The following INSIG2 variants were observed in gnomAD, a reference collection of about 807,000 sequenced individuals.
The protein encoded by INSIG2 is insulin-induced gene 2 protein.
In INSIG2, 10 loss-of-function variants were observed where a neutral mutation model predicts 27.2. The observed-to-expected ratio is 0.37, with a 90% CI of 0.23 to 0.62. The LOEUF is 0.62. Among genes scored for constraint, INSIG2 ranks in the 20% least tolerant of loss-of-function variants. INSIG2 has a pLI of 0.65. For missense variants in INSIG2, 178 were observed against 270.2 expected (o/e 0.66, Z 2.39); for synonymous variants, 97 against 95.8 (o/e 1.01, Z -0.07).
intron 1 of INSIG2, among the ~76,000 whole-genome samples, chr2:118,091,116 CTTTGT>C (rs1387849257): frequency 4.6e-5 from 7 of 152,160 alleles, no homozygotes; most frequent in Non-Finnish European, 8.8e-5. Context: ...TATAGATCCA[CTTTGT>C]TTTAAGAAAA....
intron 5 of INSIG2, 37 bp downstream of exon 5, chr2:118,107,226 A>G (rs1188097080): frequency 7.0e-7 from 1 of 1,419,002 alleles, no homozygotes; most frequent in Non-Finnish European, 9.9e-7. Flanking sequence ...AAGATGTGGA[A>G]CAAATGACAA....
At chr2:118,103,148 G>A in intron 2 of INSIG2, 49 bp from the exon 3 acceptor site, 1 of 1,539,054 alleles carries the variant, frequency 6.5e-7, no homozygotes, top group Non-Finnish European at 8.8e-7. Context: ...CTTAAGTGTT[G>A]CCAGTACAAC....
intron 1 of INSIG2, among the ~76,000 whole-genome samples, chr2:118,092,270 A>G (rs930190012): frequency 5.9e-5 from 9 of 152,126 alleles, no homozygotes; most frequent in African/African-American, 2.2e-4. Flanking sequence ...GGATCTGGGG[A>G]AGTAAAGAGT....
chr2:118,099,492 T>C (rs187975777), intron 2 of INSIG2, among the ~76,000 whole-genome samples: 1 of 152,342 alleles, frequency 6.6e-6, no homozygotes, highest in Admixed American at 6.5e-5. Flanking sequence ...ATAATGCTGA[T>C]GTTACAAGTT....
At chr2:118,093,857 TGATGATGAG>T (rs1228276736) in intron 1 of INSIG2, among the ~76,000 whole-genome samples, 6 of 91,978 alleles carry the variant, frequency 6.5e-5, no homozygotes, top group South Asian at 5.3e-4. Context: ...CAGATGATGA[TGATGATGAG>T]GAGGAGGAGG....
chr2:118,096,157 C>G (rs1186259728), intron 1 of INSIG2, among the ~76,000 whole-genome samples: 1 of 152,152 alleles, frequency 6.6e-6, no homozygotes, highest in Non-Finnish European at 1.5e-5. Flanking sequence ...TACTATGATT[C>G]TAACCTTCAG....
Position 118,092,486 on chromosome 2 carries a change from T to TA in INSIG2, c.-138-3931dup, listed in dbSNP as rs573593489. On this transcript the variant is annotated intron_variant, in intron 1 of 5. Transcript: ENST00000245787. ...ATAGTTGAGATGGTATTTCAACATC[T>TA]AACCATCTTTTCAGTAACCAAACAC... 4.2e-3 allele frequency among the ~76,000 whole-genome samples: 644 copies of TA among 152,272 alleles called. 9 individuals are homozygous for TA. The highest frequency in any genetic ancestry group is 0.014 in the African/African-American group (599 of 41,560).
rs548950364 is a variant in INSIG2 at position 118,096,497 on chromosome 2, T to A, written c.-60T>A. ...TCTTTGATTCACAGACAGTTGAGCT[T>A]TTCAGCTGGGAAGCCTTTCCATTTT... On this transcript the variant is annotated 5_prime_UTR_variant, in exon 2 of 6. Coordinates refer to ENST00000245787, the MANE Select transcript of INSIG2 (RefSeq NM_016133.4). The A allele has an allele frequency of 2.1e-5, 33 of 1,536,702 alleles. No individual in the cohort carries two copies. Among genetic ancestry groups the A allele is most frequent in the Non-Finnish European group, 2.8e-5 (32 of 1,147,676 alleles).
At chr2:118,108,185 T>C in intron 5 of INSIG2, 96 bp from the exon 6 acceptor site, 1 of 778,326 alleles carries the variant, frequency 1.3e-6, no homozygotes, top group South Asian at 1.7e-5. Flanking sequence ...CACATAGTAA[T>C]AAAATGTTCA....
Position 118,107,012 on chromosome 2 carries a change from T to C in INSIG2, c.537-78T>C. ...AGGTTAGCCAGTTTAATCTACAGAG[T>C]AGTTTATTTTCATTGTAATTATCTT... On this transcript the variant is annotated intron_variant, in intron 4 of 5. Transcript: ENST00000245787. 8 of 1,463,798 alleles carry C rather than the reference T, an allele frequency of 5.5e-6. 1 individual carries two copies. In the South Asian group the frequency reaches 9.4e-5, roughly 17 times the overall value. The allele number at this position is 1,463,798 out of a possible 1,614,324, so 90.7% of individuals were successfully genotyped here.
At chr2:118,091,403 G>C (rs1007528018) in intron 1 of INSIG2, among the ~76,000 whole-genome samples, 2 of 152,140 alleles carry the variant, frequency 1.3e-5, no homozygotes, top group African/African-American at 4.8e-5. Context: ...TAATCCAGTT[G>C]ACTACTTTGC....
At position 118,107,089 on chromosome 2, in the gene INSIG2, G is replaced by A. The variant is rs762852230; in HGVS notation, c.537-1G>A. The stretch of plus-strand genomic sequence containing the variant: ...TATTAAAGACATGTCTGTTATTCTA[G>A]ATATACATCTCCAGATTTCCTCTAT... On this transcript the variant is annotated splice_acceptor_variant, in intron 4 of 5. Coordinates refer to ENST00000245787, the MANE Select transcript of INSIG2 (RefSeq NM_016133.4). LOFTEE classifies it high-confidence loss of function. The A allele has an allele frequency of 6.3e-7, 1 of 1,597,010 alleles. No individual in the cohort carries two copies. Among genetic ancestry groups the A allele is most frequent in the Non-Finnish European group, 8.6e-7 (1 of 1,165,112 alleles).
intron 1 of INSIG2, among the ~76,000 whole-genome samples, chr2:118,094,650 C>T (rs1438477929): frequency 6.6e-6 from 1 of 152,136 alleles, no homozygotes; most frequent in Non-Finnish European, 1.5e-5. Context: ...AACAGAATTT[C>T]CTCTTGAATG....
intron 2 of INSIG2, among the ~76,000 whole-genome samples, chr2:118,097,437 G>A (rs1173737422): frequency 1.3e-5 from 2 of 151,802 alleles, no homozygotes; most frequent in Non-Finnish European, 2.9e-5. Flanking sequence ...TTTTTTCCTT[G>A]GTATCTTGTT....
rs1573579327 is a variant in INSIG2 at position 118,108,409 on chromosome 2, A to T, written c.*87A>T. 1.6e-5 allele frequency: 16 copies of T among 998,310 alleles called. No individual in the cohort carries two copies. In the East Asian group the frequency reaches 4.0e-4, roughly 25 times the overall value. The allele number at this position is 998,310 out of a possible 1,614,324, so 61.8% of individuals were successfully genotyped here. On this transcript the variant is annotated 3_prime_UTR_variant, in exon 6 of 6. Transcript: ENST00000245787. ...ATACCAACAAAACTTCAGACTGTAA[A>T]ATTGCCAGGATGCAGTTTTCCCCTT...
chr2:118,096,375 A>G lies in INSIG2; in HGVS notation c.-138-44A>G, dbSNP rs543516910. On this transcript the variant is annotated intron_variant, in intron 1 of 5. Coordinates refer to ENST00000245787, the MANE Select transcript of INSIG2 (RefSeq NM_016133.4). ...TGAAATCAGTAAAATTACAATAATC[A>G]TGTATTAGATACACATTAATTTCTT... The G allele has an allele frequency of 9.0e-4, 457 of 509,680 alleles. 2 individuals are homozygous for G. The highest frequency in any genetic ancestry group is 1.0e-3 in the South Asian group (30 of 29,694). 31.6% of individuals were successfully genotyped at this position (509,680 alleles called of 1,614,324 possible).
intron 1 of INSIG2, among the ~76,000 whole-genome samples, chr2:118,093,733 G>C (rs569066407): frequency 2.6e-3 from 314 of 120,210 alleles, no homozygotes; most frequent in African/African-American, 9.8e-3. Context: ...ACCAGATGAT[G>C]ATGATGATGA....
At chr2:118,100,022 C>G (rs1678501685) in intron 2 of INSIG2, among the ~76,000 whole-genome samples, 2 of 152,148 alleles carry the variant, frequency 1.3e-5, no homozygotes, top group Admixed American at 1.3e-4. Context: ...TATAATATGG[C>G]CCTTGACTGC....
chr2:118,101,784 A>G (rs1424555749), intron 2 of INSIG2, among the ~76,000 whole-genome samples: 1 of 152,202 alleles, frequency 6.6e-6, no homozygotes, highest in Admixed American at 6.5e-5. Flanking sequence ...AGATTTACTA[A>G]TAGTTATTGG....
Sources: allele counts gnomAD v4.1 joint callset (sites outside exome capture counted in the v4.1 genomes callset), GRCh38; gene constraint gnomAD v4.1.1; transcripts MANE v1.5; gene names NCBI Gene and HGNC (gene_info 2026-07-23, HGNC 2026-07-21).